RANBP2: variants seen among roughly 807,000 people sequenced by gnomAD.
The protein encoded by RANBP2 is RAN binding protein 2, also known as E3 SUMO-protein ligase RanBP2.
RANBP2 carries 57 observed loss-of-function variants against 303.6 expected under a neutral mutation model. The ratio of observed to expected loss-of-function variants is 0.19; its 90% CI spans 0.15 to 0.23. RANBP2 has a LOEUF of 0.23. RANBP2 is among the 10% of genes least tolerant of loss of function. The pLI, the probability that RANBP2 is intolerant of heterozygous loss-of-function variation, is 1.00. For missense variants in RANBP2, 3,138 were observed against 3,780.8 expected (o/e 0.83, Z 4.46); for synonymous variants, 1,167 against 1,301.5 (o/e 0.90, Z 2.23).
the RANBP2 span, among the ~76,000 whole-genome samples, chr2:109,484,698 G>T: frequency 6.6e-6 from 1 of 152,134 alleles, no homozygotes; most frequent in African/African-American, 2.4e-5. Context: ...CACAAGTGAT[G>T]CAATAAATCA....
At chr2:109,496,231 G>A in the RANBP2 span, among the ~76,000 whole-genome samples, 94 of 152,144 alleles carry the variant, frequency 6.2e-4, no homozygotes, top group East Asian at 0.013. Flanking sequence ...GCTGATTGGC[G>A]CGTTTTACAG....
the RANBP2 span, chr2:108,794,571 A>G: frequency 1.7e-5 from 27 of 1,613,552 alleles, no homozygotes; most frequent in Non-Finnish European, 2.2e-5. Flanking sequence ...CCTCATCGAG[A>G]CCTCGGACTG....
chr2:109,553,853 CAA>C, the RANBP2 span, among the ~76,000 whole-genome samples: 20 of 105,416 alleles, frequency 1.9e-4, no homozygotes, highest in African/African-American at 1.4e-4. Context: ...GACTCTGTCT[CAA>C]AAAAAAAAAA....
chr2:109,364,469 A>G, the RANBP2 span, among the ~76,000 whole-genome samples: 2 of 152,154 alleles, frequency 1.3e-5, no homozygotes, highest in South Asian at 2.1e-4. Context: ...CCACATCTCA[A>G]TCTGGTTCTG....
chr2:108,800,333 C>T, the RANBP2 span, among the ~76,000 whole-genome samples: 1 of 152,106 alleles, frequency 6.6e-6, no homozygotes, highest in Non-Finnish European at 1.5e-5. Flanking sequence ...GGCACGATCT[C>T]GGCTCACTAC....
chr2:108,861,962 A>C, the RANBP2 span, among the ~76,000 whole-genome samples: 2 of 152,026 alleles, frequency 1.3e-5, no homozygotes, highest in African/African-American at 4.8e-5. Context: ...CCCAAAAGTC[A>C]TTCGGGAGTA....
the RANBP2 span, among the ~76,000 whole-genome samples, chr2:109,760,636 G>A: frequency 7.0e-6 from 1 of 143,740 alleles, no homozygotes; most frequent in Admixed American, 7.1e-5. Context: ...ACCTTGAGCG[G>A]CGCCTTTCGT....
At chr2:109,005,161 C>T in the RANBP2 span, among the ~76,000 whole-genome samples, 1 of 152,214 alleles carries the variant, frequency 6.6e-6, no homozygotes, top group Non-Finnish European at 1.5e-5. Flanking sequence ...GTGCCAGGCC[C>T]CACTGTAACA....
the RANBP2 span, among the ~76,000 whole-genome samples, chr2:109,222,792 A>C: frequency 1.3e-5 from 2 of 152,238 alleles, no homozygotes; most frequent in Non-Finnish European, 2.9e-5. Context: ...TGGTTTGCTA[A>C]AAGACAAAAC....
the RANBP2 span, among the ~76,000 whole-genome samples, chr2:109,724,952 T>C: frequency 6.6e-6 from 1 of 152,068 alleles, no homozygotes; most frequent in African/African-American, 2.4e-5. Flanking sequence ...AGGCCTCCCC[T>C]TGGGGGAGGT....
chr2:108,832,120 C>T, the RANBP2 span, among the ~76,000 whole-genome samples: 1 of 152,000 alleles, frequency 6.6e-6, no homozygotes, highest in African/African-American at 2.4e-5. Context: ...ACCTCCGCCT[C>T]CTGGGTTCAA....
At chr2:109,398,676 C>T in the RANBP2 span, 17 of 1,609,474 alleles carry the variant, frequency 1.1e-5, no homozygotes, top group Non-Finnish European at 1.4e-5. Context: ...TGCCCTCTGA[C>T]TCCGGCGCTG....
chr2:109,120,974 C>T, the RANBP2 span, among the ~76,000 whole-genome samples: 1 of 152,128 alleles, frequency 6.6e-6, no homozygotes, highest in East Asian at 1.9e-4. Context: ...TGGCTGGGCG[C>T]GGTGGCTCAC....
At chr2:109,185,339 A>G in the RANBP2 span, among the ~76,000 whole-genome samples, 2 of 152,222 alleles carry the variant, frequency 1.3e-5, no homozygotes, top group Non-Finnish European at 2.9e-5. Flanking sequence ...TTAAACAATA[A>G]AAGATTGGAT....
the RANBP2 span, chr2:109,585,355 A>C: frequency 6.6e-7 from 1 of 1,507,782 alleles, no homozygotes; most frequent in African/African-American, 1.4e-5. Flanking sequence ...TTATGGTTGC[A>C]TGAATGGCTG....
At chr2:108,819,062 G>A in the RANBP2 span, among the ~76,000 whole-genome samples, 1 of 152,166 alleles carries the variant, frequency 6.6e-6, no homozygotes, top group Non-Finnish European at 1.5e-5. Context: ...GTAAAATTTG[G>A]CTATAAGACT....
chr2:109,679,115 T>C, the RANBP2 span, among the ~76,000 whole-genome samples: 8 of 152,220 alleles, frequency 5.3e-5, no homozygotes, highest in South Asian at 1.7e-3. Flanking sequence ...CAATTAGCTC[T>C]TCAGCACTCT....
chr2:109,240,219 G>T, the RANBP2 span, among the ~76,000 whole-genome samples: 2 of 152,324 alleles, frequency 1.3e-5, no homozygotes, highest in South Asian at 2.1e-4. Flanking sequence ...CAGGGTTGAA[G>T]CCAGGCATGG....
chr2:108,966,592 C>G, the RANBP2 span, among the ~76,000 whole-genome samples: 2 of 152,200 alleles, frequency 1.3e-5, no homozygotes, highest in African/African-American at 4.8e-5. Flanking sequence ...TCAGAGAGTT[C>G]TACGGTGCCC....
Sources: allele counts gnomAD v4.1 joint callset (sites outside exome capture counted in the v4.1 genomes callset), GRCh38; gene constraint gnomAD v4.1.1; transcripts MANE v1.5; gene names NCBI Gene and HGNC (gene_info 2026-07-23, HGNC 2026-07-21).